Variants in DAD1 observed in about 807,000 individuals in gnomAD.
The protein encoded by DAD1 is dolichyl-diphosphooligosaccharide--protein glycosyltransferase subunit DAD1.
A neutral mutation model predicts 9.0 loss-of-function variants in DAD1; 4 were observed. The observed-to-expected ratio is 0.44, with a 90% confidence interval of 0.22 to 1.01. The LOEUF is 1.01. DAD1 is among the 50% of genes least tolerant of loss of function. The pLI is 0.24. For missense variants in DAD1, 119 were observed against 137.3 expected, an observed-to-expected ratio of 0.87 and a Z score of 0.67; for synonymous variants, 60 against 62.5, an observed-to-expected ratio of 0.96 and a Z score of 0.19.
chr14:22,573,146 T>G (rs1223274158), intron 2 of DAD1, among the ~76,000 whole-genome samples: 1 of 152,022 alleles, frequency 6.6e-6, no homozygotes, highest in Non-Finnish European at 1.5e-5. Flanking sequence ...CCTACTAGAC[T>G]GTACATGTCT....
intron 2 of DAD1, among the ~76,000 whole-genome samples, chr14:22,573,237 T>A (rs1391423950): frequency 6.6e-6 from 1 of 151,924 alleles, no homozygotes; most frequent in East Asian, 1.9e-4. Flanking sequence ...GGTCTCAAAT[T>A]CTTGAGCTCA....
At chr14:22,584,810 A>G (rs1594884868) in intron 1 of DAD1, among the ~76,000 whole-genome samples, 1 of 152,268 alleles carries the variant, frequency 6.6e-6, no homozygotes, top group African/African-American at 2.4e-5. Flanking sequence ...GGAAACACAA[A>G]TTGTACATGG....
chr14:22,568,282 G>T (rs796264247), intron 2 of DAD1, among the ~76,000 whole-genome samples: 1 of 152,212 alleles, frequency 6.6e-6, no homozygotes, highest in African/African-American at 2.4e-5. Context: ...AAAAGTATAT[G>T]TGGAATGTAT....
chr14:22,585,217 T>C (rs2037144075), intron 1 of DAD1, among the ~76,000 whole-genome samples: 1 of 152,204 alleles, frequency 6.6e-6, no homozygotes, highest in Non-Finnish European at 1.5e-5. Flanking sequence ...AAAACAAAAC[T>C]ATTTTTTAAG....
At chr14:22,578,420 G>A (rs5742765) in intron 1 of DAD1, among the ~76,000 whole-genome samples, 5,356 of 152,176 alleles carry the variant, frequency 0.035, 333 homozygotes, top group African/African-American at 0.12. Context: ...ACAGAAATTA[G>A]CTGGGCATGG....
Position 22,575,226 on chromosome 14 carries a change from C to G in DAD1, c.219G>C (p.Leu73=), listed in dbSNP as rs1430436983. The change falls in exon 2 of 3, where the codon CTG becomes CTC. Residue 73 remains leucine (L), a synonymous_variant. Transcript: ENST00000250498. The part of the protein sequence containing the change: ...CVGSFILAVC[L]RIQINPQNKA... Reference sequence around the variant, plus strand: ...TGTTCTGTGGGTTGATCTGTATTCTCAGGCAAACTGCACAAGAAGCAAAAC... The same window carrying G: ...TGTTCTGTGGGTTGATCTGTATTCTGAGGCAAACTGCACAAGAAGCAAAAC... 2.5e-6 allele frequency: 4 copies of G among 1,613,540 alleles called. No individual in the cohort carries two copies. Among genetic ancestry groups the G allele is most frequent in the Non-Finnish European group, 3.4e-6 (4 of 1,179,858 alleles).
intron 1 of DAD1, among the ~76,000 whole-genome samples, chr14:22,580,698 T>C (rs1211110831): frequency 6.6e-6 from 1 of 152,058 alleles, no homozygotes; most frequent in African/African-American, 2.4e-5. Context: ...TCCCACAAAG[T>C]TGGAAAGGAC....
intron 2 of DAD1, among the ~76,000 whole-genome samples, chr14:22,573,772 TG>T (rs1433449168): frequency 1.3e-5 from 2 of 150,692 alleles, no homozygotes; most frequent in African/African-American, 4.9e-5. Flanking sequence ...TAAACCTCAC[TG>T]TCAACTTACC....
At chr14:22,573,170 C>T (rs1594880905) in intron 2 of DAD1, among the ~76,000 whole-genome samples, 1 of 150,096 alleles carries the variant, frequency 6.7e-6, no homozygotes, top group East Asian at 1.9e-4. Context: ...AGGCAGAAGC[C>T]ACACTTTTGG....
chr14:22,574,895 T>C (rs1223327236), intron 2 of DAD1, among the ~76,000 whole-genome samples, 164 bp downstream of exon 2: 1 of 152,250 alleles, frequency 6.6e-6, no homozygotes, highest in African/African-American at 2.4e-5. Flanking sequence ...GCAGTAGCAC[T>C]GATGAATTAT....
chr14:22,581,859 C>G lies in DAD1; in HGVS notation c.212-6626G>C, dbSNP rs8005354. Among the ~76,000 whole-genome samples the G allele has an allele frequency of 2.6e-5, 4 of 151,688 alleles. No homozygotes were observed. In the South Asian group the frequency reaches 8.3e-4, roughly 32 times the overall value. On this transcript the variant is annotated intron_variant, in intron 1 of 2. Coordinates refer to ENST00000250498, the MANE Select transcript of DAD1 (RefSeq NM_001344.4). ...GCATGGTAAGCCTCAGAAAACAGTA[C>G]GGATTCAGTTATAAGAGCGGTGGAA...
chr14:22,586,154 C>T (rs1356748910), intron 1 of DAD1, among the ~76,000 whole-genome samples: 2 of 148,620 alleles, frequency 1.3e-5, no homozygotes, highest in African/African-American at 2.5e-5. Context: ...TGCAGTGAGC[C>T]GAGATGGCGC....
chr14:22,564,932 T>A lies in DAD1; in HGVS notation c.*250A>T. 3.4e-6 allele frequency: 2 copies of A among 585,568 alleles called. No homozygotes were observed. The highest frequency in any genetic ancestry group is 6.1e-6 in the Non-Finnish European group (2 of 330,288). 36.3% of individuals were successfully genotyped at this position (585,568 alleles called of 1,614,324 possible). A position where few individuals can be genotyped will look rare whatever the true frequency, so the allele number is the denominator to read the frequency against. On this transcript the variant is annotated 3_prime_UTR_variant, in exon 3 of 3. Transcript: ENST00000250498. ...GAGGAGTGGCATGGAGTTCTTTAAT[T>A]TGGAAGGCAAAAGGTTACATTTAAT...
At chr14:22,579,879 A>G (rs12436669) in intron 1 of DAD1, among the ~76,000 whole-genome samples, 100,637 of 144,602 alleles carry the variant, frequency 0.7, 36,590 homozygotes, top group African/African-American at 0.93. Flanking sequence ...TCACTCCATC[A>G]CCCAGGCTGG....
chr14:22,566,539 G>A (rs1446173122), intron 2 of DAD1, among the ~76,000 whole-genome samples: 2 of 151,962 alleles, frequency 1.3e-5, no homozygotes, highest in Non-Finnish European at 2.9e-5. Context: ...TCACCATGTT[G>A]GTCAGGCTGG....
At chr14:22,586,114 G>A (rs1169903469) in intron 1 of DAD1, among the ~76,000 whole-genome samples, 2 of 151,766 alleles carry the variant, frequency 1.3e-5, no homozygotes, top group Non-Finnish European at 2.9e-5. Context: ...GCTGAGGCAG[G>A]AGAATGGCGT....
chr14:22,580,424 CA>C (rs57299166), intron 1 of DAD1, among the ~76,000 whole-genome samples: 2 of 146,878 alleles, frequency 1.4e-5, no homozygotes, highest in Non-Finnish European at 3.0e-5. Context: ...AAGACCGTCT[CA>C]AAAAAAAAGT....
At chr14:22,576,715 TC>T (rs2037080027) in intron 1 of DAD1, among the ~76,000 whole-genome samples, 1 of 152,098 alleles carries the variant, frequency 6.6e-6, no homozygotes. Context: ...TATTTGCAAA[TC>T]ACTTATCTGA....
chr14:22,584,406 A>G (rs1294373517), intron 1 of DAD1, among the ~76,000 whole-genome samples: 2 of 152,148 alleles, frequency 1.3e-5, no homozygotes, highest in East Asian at 3.9e-4. Flanking sequence ...TCTGCTGGAG[A>G]GTCAGGGAAG....
Sources: gnomAD v4.1 joint callset for allele counts (sites outside exome capture counted in the v4.1 genomes callset) on GRCh38, gnomAD v4.1.1 for gene constraint, MANE v1.5 for transcripts, NCBI Gene and HGNC (gene_info 2026-07-23, HGNC 2026-07-21) for gene names.